The following MEOX2 variants were observed in gnomAD, a reference collection of about 807,000 sequenced individuals.
MEOX2 encodes mesenchyme homeobox 2.
A neutral mutation model predicts 27.0 loss-of-function variants in MEOX2; 11 were observed. The observed-to-expected ratio is 0.41, with a 90% CI of 0.26 to 0.68. MEOX2 has a LOEUF of 0.68. MEOX2 is among the 30% of genes least tolerant of loss of function. The pLI is 0.33. For missense variants in MEOX2, 436 were observed against 385.4 expected (o/e 1.13, Z -1.10); for synonymous variants, 189 against 155.4 (o/e 1.22, Z -1.61).
intron 1 of MEOX2, among the ~76,000 whole-genome samples, chr7:15,674,807 GT>G (rs1273807877): frequency 6.6e-6 from 1 of 152,126 alleles, no homozygotes; most frequent in Non-Finnish European, 1.5e-5. Flanking sequence ...GGGAAGATGG[GT>G]GTGAACAGGA....
chr7:15,614,500 AACTTT>A (rs1299377848), intron 2 of MEOX2, among the ~76,000 whole-genome samples: 7 of 152,234 alleles, frequency 4.6e-5, no homozygotes, highest in African/African-American at 1.2e-4. Context: ...GAATAGGCTT[AACTTT>A]ACTTTATTTT....
rs935629135 is a variant in MEOX2 at position 15,612,335 on chromosome 7, C to T, written c.*52G>A. The T allele has an allele frequency of 6.3e-6, 9 of 1,421,934 alleles. No homozygotes were observed. In the South Asian group the frequency reaches 8.0e-5, roughly 13 times the overall value. 88.1% of individuals were successfully genotyped at this position (1,421,934 alleles called of 1,614,324 possible). A position where few individuals can be genotyped will look rare whatever the true frequency, so the allele number is the denominator to read the frequency against. ...CTGTGTAAACGATATTTGGGTAAGG[C>T]TTGCCATCACAACATTTCTTTCCTG... On this transcript the variant is annotated 3_prime_UTR_variant, in exon 3 of 3. Transcript: ENST00000262041.
chr7:15,678,991 A>G (rs955382714), intron 1 of MEOX2: 9 of 152,352 alleles, frequency 5.9e-5, no homozygotes, highest in South Asian at 2.1e-4. Flanking sequence ...CAAAAACTGC[A>G]GGGACTTTTA....
chr7:15,636,853 G>C (rs1265689271), intron 1 of MEOX2, among the ~76,000 whole-genome samples: 1 of 151,918 alleles, frequency 6.6e-6, no homozygotes, highest in African/African-American at 2.4e-5. Flanking sequence ...ATGGCAAAAG[G>C]CAGAAGGGCA....
At chr7:15,655,540 T>C (rs917381699) in intron 1 of MEOX2, among the ~76,000 whole-genome samples, 1 of 151,748 alleles carries the variant, frequency 6.6e-6, no homozygotes, top group Non-Finnish European at 1.5e-5. Context: ...GCTGCTTTAA[T>C]TAGATCCCAC....
At chr7:15,678,316 T>A (rs1216374637) in intron 1 of MEOX2, among the ~76,000 whole-genome samples, 1 of 152,206 alleles carries the variant, frequency 6.6e-6, no homozygotes, top group African/African-American at 2.4e-5. Flanking sequence ...ACCTATGCAG[T>A]GAGTGCTAAA....
At chr7:15,680,185 T>A (rs1782270027) in intron 1 of MEOX2, 1 of 151,878 alleles carries the variant, frequency 6.6e-6, no homozygotes, top group African/African-American at 2.4e-5. Context: ...TGGTAATAAA[T>A]AATGTCAAGA....
chr7:15,666,666 T>A lies in MEOX2; in HGVS notation c.517+19220A>T, dbSNP rs530663922. Among the ~76,000 whole-genome samples the A allele has an allele frequency of 2.6e-3, 386 of 145,836 alleles. 1 individual carries two copies. The highest frequency in any genetic ancestry group is 0.011 in the South Asian group (49 of 4,594). On this transcript the variant is annotated intron_variant, in intron 1 of 2. Coordinates refer to ENST00000262041, the MANE Select transcript of MEOX2 (RefSeq NM_005924.5). ...ATTTGTGAGGCTGAGGCAGGAGAATTGCTTGAACCTGGGAGGCGGAGGTTG... is the reference window on the plus strand; with the variant it reads ...ATTTGTGAGGCTGAGGCAGGAGAATAGCTTGAACCTGGGAGGCGGAGGTTG...
intron 2 of MEOX2, among the ~76,000 whole-genome samples, chr7:15,626,152 C>T (rs1781301486): frequency 6.6e-6 from 1 of 152,130 alleles, no homozygotes; most frequent in Admixed American, 6.6e-5. Flanking sequence ...ATTTAAAGGT[C>T]AGTGCATAAA....
chr7:15,653,563 G>A (rs1173328464), intron 1 of MEOX2, among the ~76,000 whole-genome samples: 1 of 151,876 alleles, frequency 6.6e-6, no homozygotes, highest in Non-Finnish European at 1.5e-5. Context: ...AAGCTCTATG[G>A]ATTCAAAAGA....
At chr7:15,626,974 T>C (rs1781319441) in intron 1 of MEOX2, 56 bp from the exon 2 acceptor site, 24 of 1,515,674 alleles carry the variant, frequency 1.6e-5, no homozygotes, top group Non-Finnish European at 2.1e-5. Context: ...ACACATGCAA[T>C]CATATTATTC....
intron 1 of MEOX2, among the ~76,000 whole-genome samples, chr7:15,660,757 C>T (rs1369100898): frequency 6.6e-6 from 1 of 152,078 alleles, no homozygotes; most frequent in Non-Finnish European, 1.5e-5. Flanking sequence ...CGTGGTGGCT[C>T]ATGCCTCTAA....
At chr7:15,665,646 A>T (rs538842842) in intron 1 of MEOX2, among the ~76,000 whole-genome samples, 1 of 152,318 alleles carries the variant, frequency 6.6e-6, no homozygotes, top group African/African-American at 2.4e-5. Flanking sequence ...AGATCTCATC[A>T]ATAAGAATTA....
At chr7:15,626,251 T>C (rs1294496133) in intron 2 of MEOX2, among the ~76,000 whole-genome samples, 2 of 152,152 alleles carry the variant, frequency 1.3e-5, no homozygotes, top group African/African-American at 4.8e-5. Context: ...AGTGATTATC[T>C]GGAATGCTGG....
intron 1 of MEOX2, among the ~76,000 whole-genome samples, chr7:15,642,171 G>C (rs1371685193): frequency 6.6e-6 from 1 of 151,814 alleles, no homozygotes; most frequent in African/African-American, 2.4e-5. Context: ...GCAATATTAG[G>C]GAAATTTTCT....
rs770357034 is a variant in MEOX2, at chr7:15,612,571, C to G, written c.731G>C (p.Arg244Thr). ...WFQNRRMKWK[R>T]VKGGQQGAAA... ...AGCTCCTTGCTGTCCACCCTTTACC[C>G]TCTTCCACTTCATCCGCCTGTTTTG... The change falls in exon 3 of 3, where the codon AGG (arginine) becomes ACG (threonine). Residue 244 changes from arginine (R) to threonine (T), a missense_variant. By Grantham distance (71) the Arg-to-Thr change is moderately conservative (BLOSUM62 -1). Coordinates refer to ENST00000262041, the MANE Select transcript of MEOX2 (RefSeq NM_005924.5). The G allele has an allele frequency of 6.2e-7, 1 of 1,614,146 alleles. No individual in the cohort carries two copies. Among genetic ancestry groups the G allele is most frequent in the South Asian group, 1.1e-5 (1 of 91,080 alleles).
chr7:15,632,331 C>G (rs911540886), intron 1 of MEOX2, among the ~76,000 whole-genome samples: 1 of 151,658 alleles, frequency 6.6e-6, no homozygotes, highest in Non-Finnish European at 1.5e-5. Context: ...TTCAGTTTTA[C>G]CTTACAGCCT....
At chr7:15,675,487 G>C (rs942396313) in intron 1 of MEOX2, among the ~76,000 whole-genome samples, 1 of 152,106 alleles carries the variant, frequency 6.6e-6, no homozygotes, top group Non-Finnish European at 1.5e-5. Context: ...AAAACTTAAG[G>C]CTTCAAAATA....
chr7:15,685,028 C>G (rs374539816), intron 1 of MEOX2, among the ~76,000 whole-genome samples: 50 of 152,128 alleles, frequency 3.3e-4, no homozygotes, highest in Middle Eastern at 3.2e-3. Flanking sequence ...GCCTCCTGCG[C>G]GCACCCTTGC....
Sources: gnomAD v4.1 joint callset for allele counts (sites outside exome capture counted in the v4.1 genomes callset) on GRCh38, gnomAD v4.1.1 for gene constraint, MANE v1.5 for transcripts, NCBI Gene and HGNC (gene_info 2026-07-23, HGNC 2026-07-21) for gene names.